Variants in KDM2A observed in about 807,000 individuals in gnomAD.
KDM2A encodes lysine-specific demethylase 2A.
A neutral mutation model predicts 137.3 loss-of-function variants in KDM2A; 3 were observed. The ratio of observed to expected loss-of-function variants is 0.02; its 90% confidence interval spans 0.01 to 0.06. The LOEUF is 0.06. Among genes scored for constraint, KDM2A ranks in the 10% least tolerant of loss-of-function variants. KDM2A has a pLI of 1.00. For synonymous variants in KDM2A, 512 were observed against 541.5 expected, an observed-to-expected ratio of 0.95 and a Z score of 0.76; for missense variants, 738 against 1,510.6, an observed-to-expected ratio of 0.49 and a Z score of 8.48.
chr11:67,189,348 A>G (rs1445149391), intron 5 of KDM2A, among the ~76,000 whole-genome samples: 1 of 152,224 alleles, frequency 6.6e-6, no homozygotes, highest in African/African-American at 2.4e-5. Flanking sequence ...ATGAATGAAC[A>G]CAACACAGCC....
At position 67,255,490 on chromosome 11, in the gene KDM2A, G is replaced by A. The variant is rs942122113; in HGVS notation, c.*435G>A. ...CTGTCTCCATGGCCAGGTTCTTGTG[G>A]TGTCCAGTGCGCGTCTCTCCTCCAT... On this transcript the variant is annotated 3_prime_UTR_variant, in exon 21 of 21. Transcript: ENST00000529006. The A allele has an allele frequency of 8.7e-6, 4 of 457,500 alleles. No homozygotes were observed. The Admixed American group carries it at 9.4e-5, about 11-fold the overall frequency. 28.3% of individuals were successfully genotyped at this position (457,500 alleles called of 1,614,324 possible). A position where few individuals can be genotyped will look rare whatever the true frequency, so the allele number is the denominator to read the frequency against.
chr11:67,173,696 T>A (rs186462017), intron 2 of KDM2A, among the ~76,000 whole-genome samples: 1 of 152,194 alleles, frequency 6.6e-6, no homozygotes, highest in Admixed American at 6.5e-5. Context: ...GCCTGGTTTT[T>A]ATTTTTATTA....
intron 12 of KDM2A, among the ~76,000 whole-genome samples, chr11:67,235,985 A>G (rs561357015): frequency 3.3e-5 from 5 of 152,316 alleles, no homozygotes; most frequent in African/African-American, 1.2e-4. Flanking sequence ...AAAAGGTAGG[A>G]CATGTAACAG....
At chr11:67,135,932 C>T (rs1358324051) in intron 2 of KDM2A, among the ~76,000 whole-genome samples, 1 of 152,216 alleles carries the variant, frequency 6.6e-6, no homozygotes, top group African/African-American at 2.4e-5. Flanking sequence ...TTCTAGATAG[C>T]TCATCCTATC....
intron 12 of KDM2A, among the ~76,000 whole-genome samples, chr11:67,240,884 C>A (rs1429006523): frequency 6.6e-6 from 1 of 152,136 alleles, no homozygotes; most frequent in Non-Finnish European, 1.5e-5. Flanking sequence ...CCCACACATA[C>A]CCCAGTAACT....
rs758584187 is a variant in KDM2A, at chr11:67,253,546, G to A, written c.3026G>A (p.Arg1009Gln). Residue 1009 changes from arginine to glutamine, a missense_variant, in exon 19 of 21, where the codon CGG becomes CAG. Physicochemically the swap from Arg to Gln is conservative, Grantham distance 43 (BLOSUM62 1). Around this residue, in one of 9 missense-constraint regions of KDM2A, gnomAD observed 166 missense variants for 324.0 expected, o/e 0.51. Transcript: ENST00000529006. ...SCPLLRTLDLRWAVGIKDPQI... is the reference protein window; with the variant it reads ...SCPLLRTLDLQWAVGIKDPQI... ...CCCCTTCTCAGGACCCTTGATCTTC[G>A]GTGGGCAGTAGGAATCAAGGACCCT... 3.1e-6 allele frequency: 5 copies of A among 1,613,890 alleles called. No individual in the cohort carries two copies. The highest frequency in any genetic ancestry group is 4.2e-6 in the Non-Finnish European group (5 of 1,179,852).
At chr11:67,229,413 A>G (rs1450512947) in intron 11 of KDM2A, among the ~76,000 whole-genome samples, 2 of 152,194 alleles carry the variant, frequency 1.3e-5, no homozygotes, top group African/African-American at 4.8e-5. Context: ...TAGTTTCAGT[A>G]TACATTTTTA....
At chr11:67,156,088 A>G (rs1856508574) in intron 2 of KDM2A, among the ~76,000 whole-genome samples, 1 of 150,374 alleles carries the variant, frequency 6.7e-6, no homozygotes, top group Admixed American at 6.6e-5. Flanking sequence ...CGTCTCTACT[A>G]AAAATACAAA....
At chr11:67,193,570 G>A (rs930662465) in intron 5 of KDM2A, among the ~76,000 whole-genome samples, 14 of 152,000 alleles carry the variant, frequency 9.2e-5, no homozygotes, top group Non-Finnish European at 2.9e-5. Context: ...TTTTAAATAC[G>A]TATATATTGG....
chr11:67,120,381 AATGTAGTGACAAAAACGGGGGGAACCT>A (rs1855572123), intron 1 of KDM2A, among the ~76,000 whole-genome samples: 1 of 152,196 alleles, frequency 6.6e-6, no homozygotes, highest in Non-Finnish European at 1.5e-5. Context: ...ACGTGGCTGT[AATGTAGTGACAAAAACGGGGGGAACCT>A]GTGTTCTCAA....
At position 67,123,681 on chromosome 11, in the gene KDM2A, G is replaced by GT. The variant is rs371113782; in HGVS notation, c.42+2335dup. ...TTTCCAGCAAGCAAAACTTTTAACT[G>GT]TTTTTTTTTTTTGAGACGGAGTTTC... On this transcript the variant is annotated intron_variant, in intron 2 of 20. Transcript: ENST00000529006. 2.3e-3 allele frequency among the ~76,000 whole-genome samples: 334 copies of GT among 142,916 alleles called. 1 individual carries two copies. The highest frequency in any genetic ancestry group is 7.1e-3 in the Middle Eastern group (2 of 282). 93.8% of individuals were successfully genotyped at this position (142,916 alleles called of 152,430 possible). A position where few individuals can be genotyped will look rare whatever the true frequency, so the allele number is the denominator to read the frequency against.
intron 2 of KDM2A, among the ~76,000 whole-genome samples, chr11:67,177,765 C>T (rs1857001874): frequency 1.3e-5 from 2 of 152,032 alleles, no homozygotes; most frequent in African/African-American, 4.8e-5. Context: ...ATAATAAATA[C>T]ATAAACCGGT....
chr11:67,155,445 G>A (rs1229221006), intron 2 of KDM2A, among the ~76,000 whole-genome samples: 1 of 151,630 alleles, frequency 6.6e-6, no homozygotes, highest in Non-Finnish European at 1.5e-5. Flanking sequence ...CGTATCTGGG[G>A]CTGTAGGCAG....
At chr11:67,170,376 C>G (rs1403043045) in intron 2 of KDM2A, among the ~76,000 whole-genome samples, 3 of 139,380 alleles carry the variant, frequency 2.2e-5, no homozygotes, top group Non-Finnish European at 4.7e-5. Context: ...CTTTATCCTA[C>G]CAAGCATGGG....
intron 5 of KDM2A, among the ~76,000 whole-genome samples, chr11:67,182,215 T>G (rs1857105806): frequency 6.6e-6 from 1 of 152,196 alleles, no homozygotes; most frequent in Admixed American, 6.6e-5. Flanking sequence ...TTCATTAATA[T>G]CCGTGATTCC....
intron 2 of KDM2A, among the ~76,000 whole-genome samples, chr11:67,123,885 C>T (rs750422978): frequency 1.3e-5 from 2 of 152,008 alleles, no homozygotes; most frequent in Non-Finnish European, 2.9e-5. Flanking sequence ...CCTTGTTGGC[C>T]AGGCTGGTCT....
chr11:67,124,977 ACT>A (rs1855685667), intron 2 of KDM2A, among the ~76,000 whole-genome samples: 2 of 146,120 alleles, frequency 1.4e-5, no homozygotes, highest in Non-Finnish European at 3.0e-5. Flanking sequence ...CCTGCCTCAG[ACT>A]CCCGAGTAGC....
chr11:67,180,286 G>A, intron 3 of KDM2A, 69 bp downstream of exon 3: 1 of 1,497,440 alleles, frequency 6.7e-7, no homozygotes, highest in Non-Finnish European at 9.0e-7. Flanking sequence ...AGCATTGGGG[G>A]TTTAGCCTTT....
At chr11:67,252,628 G>A in intron 17 of KDM2A, 66 bp from the exon 18 acceptor site, 2 of 1,556,902 alleles carry the variant, frequency 1.3e-6, no homozygotes, top group Non-Finnish European at 1.8e-6. Flanking sequence ...GAAGCCATAA[G>A]CAGCCTGTGA....
Sources: allele counts gnomAD v4.1 joint callset (sites outside exome capture counted in the v4.1 genomes callset), GRCh38; gene constraint gnomAD v4.1.1; regional missense constraint gnomAD v4.1.1; transcripts MANE v1.5; gene names NCBI Gene and HGNC (gene_info 2026-07-23, HGNC 2026-07-21).